The following GLRA1 variants were observed in gnomAD, a reference collection of about 807,000 sequenced individuals.
GLRA1 encodes glycine receptor subunit alpha-1.
GLRA1 carries 37 observed loss-of-function variants against 48.3 expected under a neutral mutation model. The observed-to-expected ratio is 0.77, with a 90% CI of 0.59 to 1.01. The LOEUF is 1.01. Ranked by LOEUF, GLRA1 falls within the 50% of genes least tolerant of loss-of-function variation. The pLI is 0.00. For missense variants in GLRA1, 427 were observed against 571.0 expected (o/e 0.75, Z 2.57); for synonymous variants, 196 against 210.7 (o/e 0.93, Z 0.60).
chr5:151,828,625 T>C (rs1763337640), intron 8 of GLRA1, among the ~76,000 whole-genome samples: 1 of 152,210 alleles, frequency 6.6e-6, no homozygotes, highest in Non-Finnish European at 1.5e-5. Context: ...AGGTTTATAG[T>C]TAGTTATTTT....
intron 7 of GLRA1, 111 bp downstream of exon 7, chr5:151,851,279 A>T (rs560210318): frequency 5.3e-6 from 4 of 758,762 alleles, no homozygotes; most frequent in Non-Finnish European, 9.4e-6. Flanking sequence ...AGTATAGTAG[A>T]TAAATAAGTA....
intron 3 of GLRA1, among the ~76,000 whole-genome samples, chr5:151,868,384 C>T (rs1223156240): frequency 6.6e-6 from 1 of 152,100 alleles, no homozygotes; most frequent in Non-Finnish European, 1.5e-5. Flanking sequence ...GTGTTAAGAC[C>T]TTTATGTGTG....
chr5:151,878,937 G>C (rs1029349261), intron 3 of GLRA1, among the ~76,000 whole-genome samples: 2 of 152,232 alleles, frequency 1.3e-5, no homozygotes, highest in Non-Finnish European at 2.9e-5. Flanking sequence ...TCCCTACTTG[G>C]GCACCTCCTA....
intron 1 of GLRA1, among the ~76,000 whole-genome samples, chr5:151,922,789 A>C (rs1429933832): frequency 6.6e-6 from 1 of 152,236 alleles, no homozygotes; most frequent in Non-Finnish European, 1.5e-5. Flanking sequence ...CAAGCATTGC[A>C]TACTGCTCAT....
rs116598092 is a variant in GLRA1, at chr5:151,923,582, C to T, written c.56+912G>A. On this transcript the variant is annotated intron_variant, in intron 1 of 8. Transcript: ENST00000274576. The stretch of plus-strand genomic sequence containing the variant: ...GAAGATGGTATGATTCACACACTTA[C>T]TAAAGGACTATCTATTTCAATGCTT... Among the ~76,000 whole-genome samples the T allele has an allele frequency of 7.6e-3, 1,156 of 152,302 alleles. 18 individuals are homozygous for T. The highest frequency in any genetic ancestry group is 0.026 in the African/African-American group (1,087 of 41,560).
chr5:151,863,574 C>T (rs1024165626), intron 3 of GLRA1, among the ~76,000 whole-genome samples: 2 of 152,074 alleles, frequency 1.3e-5, no homozygotes, highest in African/African-American at 4.8e-5. Context: ...TTGGATCTCC[C>T]AAAGGGTCTA....
intron 7 of GLRA1, among the ~76,000 whole-genome samples, chr5:151,846,058 G>C (rs1174582577): frequency 6.6e-6 from 1 of 152,140 alleles, no homozygotes; most frequent in Non-Finnish European, 1.5e-5. Flanking sequence ...AGAGGCTCTT[G>C]GGAGTGGGGA....
At chr5:151,890,179 C>T (rs1754027450) in intron 2 of GLRA1, among the ~76,000 whole-genome samples, 1 of 152,206 alleles carries the variant, frequency 6.6e-6, no homozygotes, top group Non-Finnish European at 1.5e-5. Flanking sequence ...CTGGTTTTGA[C>T]AGCATGACTT....
chr5:151,924,206 G>T (rs978858289), intron 1 of GLRA1, among the ~76,000 whole-genome samples: 3 of 152,006 alleles, frequency 2.0e-5, no homozygotes, highest in African/African-American at 7.3e-5. Flanking sequence ...CAATAGTGGG[G>T]GGTGTAGCAG....
At chr5:151,892,026 G>A (rs545507567) in intron 2 of GLRA1, among the ~76,000 whole-genome samples, 1 of 152,104 alleles carries the variant, frequency 6.6e-6, no homozygotes, top group Non-Finnish European at 1.5e-5. Flanking sequence ...ATTTCTCCAC[G>A]TTCCATGTTT....
chr5:151,920,407 G>T (rs184405309), intron 1 of GLRA1, among the ~76,000 whole-genome samples: 1 of 152,094 alleles, frequency 6.6e-6, no homozygotes, highest in Non-Finnish European at 1.5e-5. Flanking sequence ...CCACATGGCC[G>T]TAACCTCTTT....
chr5:151,884,456 C>CAAAACAAAACAAAACAAAACAAAAAAAA (rs1561571172), intron 3 of GLRA1, among the ~76,000 whole-genome samples: 7 of 45,358 alleles, frequency 1.5e-4, no homozygotes, highest in African/African-American at 5.1e-4. Context: ...AACAAAAAAA[C>CAAAACAAAACAAAACAAAACAAAAAAAA]CCATTTTTTC....
intron 3 of GLRA1, 65 bp downstream of exon 3, chr5:151,886,656 G>A (rs1753913715): frequency 1.7e-6 from 2 of 1,201,182 alleles, no homozygotes; most frequent in Non-Finnish European, 2.5e-6. Context: ...CCAATGCAGA[G>A]GATAAATATT....
Position 151,896,870 on chromosome 5 carries a change from G to A in GLRA1, c.57-4432C>T, listed in dbSNP as rs114229876. ...AAATACAATGACAACAAGACAAAAA[G>A]AGAAGAGTTTACAATTCTAGTGATC... On this transcript the variant is annotated intron_variant, in intron 1 of 8. Transcript: ENST00000274576. Among the ~76,000 whole-genome samples the A allele has an allele frequency of 5.4e-3, 827 of 152,292 alleles. 9 individuals are homozygous for A. The highest frequency in any genetic ancestry group is 0.019 in the African/African-American group (778 of 41,576).
intron 8 of GLRA1, among the ~76,000 whole-genome samples, chr5:151,823,313 G>C (rs1763190976): frequency 1.3e-5 from 2 of 152,068 alleles, no homozygotes; most frequent in Non-Finnish European, 2.9e-5. Flanking sequence ...CTTCTACCTG[G>C]GGGATAAGAT....
chr5:151,900,568 A>G (rs1474560833), intron 1 of GLRA1, among the ~76,000 whole-genome samples: 2 of 152,214 alleles, frequency 1.3e-5, no homozygotes, highest in Non-Finnish European at 2.9e-5. Flanking sequence ...TCTCCATTTT[A>G]CAGGTGAGAA....
chr5:151,911,888 G>A (rs1339268847), intron 1 of GLRA1, among the ~76,000 whole-genome samples: 10 of 152,104 alleles, frequency 6.6e-5, no homozygotes, highest in Admixed American at 6.6e-5. Flanking sequence ...AATTACAGGC[G>A]TGAGCCACCG....
At chr5:151,857,849 G>T (rs1303214533) in intron 4 of GLRA1, among the ~76,000 whole-genome samples, 1 of 152,210 alleles carries the variant, frequency 6.6e-6, no homozygotes, top group African/African-American at 2.4e-5. Flanking sequence ...GGCTTTCAGA[G>T]CCCAAAGAGC....
intron 1 of GLRA1, among the ~76,000 whole-genome samples, chr5:151,901,482 G>C (rs1341999889): frequency 1.3e-5 from 2 of 152,210 alleles, no homozygotes; most frequent in Admixed American, 1.3e-4. Flanking sequence ...GCTCTTAGAA[G>C]GCCCTACATA....
Sources: gnomAD v4.1 joint callset for allele counts (sites outside exome capture counted in the v4.1 genomes callset) on GRCh38, gnomAD v4.1.1 for gene constraint, MANE v1.5 for transcripts, NCBI Gene and HGNC (gene_info 2026-07-23, HGNC 2026-07-21) for gene names.